The following IL26 variants were observed in gnomAD, a reference collection of about 807,000 sequenced individuals.
IL26 encodes the protein interleukin-26.
Under a neutral mutation model 21.7 loss-of-function variants are expected in IL26, and 23 were observed. The observed-to-expected ratio is 1.06, with a 90% CI of 0.76 to 1.50. The LOEUF (loss-of-function observed/expected upper bound fraction) is 1.50, where lower values mean the gene tolerates loss of function less well. Among genes scored for constraint, IL26 ranks in the 40% most tolerant of loss-of-function variants. The pLI is 0.00. For synonymous variants in IL26, 63 were observed against 67.8 expected, an observed-to-expected ratio of 0.93 and a Z score of 0.34; for missense variants, 204 against 196.0, an observed-to-expected ratio of 1.04 and a Z score of -0.24.
chr12:68,210,557 T>C (rs887295230), intron 3 of IL26, among the ~76,000 whole-genome samples: 2 of 152,082 alleles, frequency 1.3e-5, no homozygotes, highest in African/African-American at 4.8e-5. Context: ...AGTGTCTCTC[T>C]GCGAAACCAA....
intron 3 of IL26, among the ~76,000 whole-genome samples, chr12:68,210,338 C>CAAAAGAAAAAAAAAAA (rs1868676076): frequency 4.5e-5 from 1 of 22,068 alleles, no homozygotes; most frequent in Non-Finnish European, 1.0e-4. Flanking sequence ...ATCAGTTTGG[C>CAAAAGAAAAAAAAAAA]AAAAAAAAAA....
intron 3 of IL26, among the ~76,000 whole-genome samples, chr12:68,205,519 T>A (rs776204046): frequency 2.8e-4 from 42 of 152,144 alleles, no homozygotes; most frequent in Non-Finnish European, 5.6e-4. Flanking sequence ...AATCATTAAG[T>A]GGAAGTGGAT....
chr12:68,220,143 A>G (rs1869005806), intron 3 of IL26, among the ~76,000 whole-genome samples: 1 of 152,214 alleles, frequency 6.6e-6, no homozygotes, highest in Admixed American at 6.5e-5. Flanking sequence ...CAAACATTTA[A>G]GAAAAAATAA....
In IL26 at chr12:68,223,884, G is replaced by GTTTTT. The variant is rs376115904; in HGVS notation, c.363+1260_363+1264dup. ...AGAAATAGAGAACTTAAATTTGGTG[G>GTTTTT]TTTTTTTTTTTTTTTTTTGCTTGTT... On this transcript the variant is annotated intron_variant, in intron 3 of 4. Coordinates refer to ENST00000229134, the MANE Select transcript of IL26 (RefSeq NM_018402.2). Among the ~76,000 whole-genome samples, 41 of 132,248 alleles carry GTTTTT rather than the reference G, an allele frequency of 3.1e-4. 1 individual carries two copies. The highest frequency in any genetic ancestry group is 1.2e-3 in the South Asian group (5 of 4,046). 86.8% of individuals were successfully genotyped at this position (132,248 alleles called of 152,430 possible).
rs6144754 is a variant in IL26, at chr12:68,204,141, A to ATTT, written c.364-2061_364-2059dup. Among the ~76,000 whole-genome samples, 914 of 113,182 alleles carry ATTT rather than the reference A, an allele frequency of 8.1e-3. 37 individuals carry two copies. The highest frequency in any genetic ancestry group is 0.027 in the African/African-American group (775 of 28,832). The allele number at this position is 113,182 out of a possible 152,430, so 74.3% of individuals were successfully genotyped here. On this transcript the variant is annotated intron_variant, in intron 3 of 4. Coordinates refer to ENST00000229134, the MANE Select transcript of IL26 (RefSeq NM_018402.2). ...TAAAATCATGTGTTAGGATTCAAAG[A>ATTT]TTTTTTTTTTTTTTTTTTTTGAGGC...
In IL26 at chr12:68,202,042, G is replaced by C; in HGVS notation, c.405C>G (p.Thr135=). 1 of 1,584,758 alleles carries C rather than the reference G, an allele frequency of 6.3e-7. No individual in the cohort carries two copies. Among genetic ancestry groups the C allele is most frequent in the Non-Finnish European group, 8.6e-7 (1 of 1,161,136 alleles). Residue 135 remains threonine (T), a synonymous_variant, in exon 4 of 5, where the codon ACC becomes ACG. Coordinates refer to ENST00000229134, the MANE Select transcript of IL26 (RefSeq NM_018402.2). ...ASSAREMKSI[T]RMKRIFYRIG... Reference sequence around the variant, plus strand: ...CCCTATAAAATATTCTTTTCATCCTGGTAATGGATTTCATCTCTCTAGCTG... The same window carrying C: ...CCCTATAAAATATTCTTTTCATCCTCGTAATGGATTTCATCTCTCTAGCTG...
chr12:68,208,970 A>G (rs1868626327), intron 3 of IL26, among the ~76,000 whole-genome samples: 1 of 152,246 alleles, frequency 6.6e-6, no homozygotes, highest in Admixed American at 6.5e-5. Context: ...CCACAAGCCT[A>G]CTTGTTTCTT....
chr12:68,210,783 GT>G (rs940175087), intron 3 of IL26, among the ~76,000 whole-genome samples: 1 of 151,958 alleles, frequency 6.6e-6, no homozygotes, highest in South Asian at 2.1e-4. Context: ...ATTAGAAAGA[GT>G]TTTTTTAATA....
At chr12:68,225,336 A>G (rs1404430974) in intron 2 of IL26, 53 bp from the exon 3 acceptor site, 4 of 1,565,240 alleles carry the variant, frequency 2.6e-6, no homozygotes, top group Non-Finnish European at 3.5e-6. Flanking sequence ...TCGTTTTTTA[A>G]TGTCCCCCGA....
chr12:68,210,872 CA>C (rs1868709067), intron 3 of IL26, among the ~76,000 whole-genome samples: 1 of 152,112 alleles, frequency 6.6e-6, no homozygotes, highest in Non-Finnish European at 1.5e-5. Flanking sequence ...TGTCATTCAT[CA>C]GAATTAGTTC....
chr12:68,201,875 C>T lies in IL26; in HGVS notation c.486G>A (p.Trp162Ter). 3 of 1,596,730 alleles carry T rather than the reference C, an allele frequency of 1.9e-6. No homozygotes were observed. Among genetic ancestry groups the T allele is most frequent in the Non-Finnish European group, 2.6e-6 (3 of 1,175,232 alleles). ...AISELDILLS[W>*]IKKLLESSQ ...GACTGCTTTCCAATAATTTTTTAAT[C>T]CAGGAAAGAAGAATATCCAGTTCAC... The change falls in exon 5 of 5, where the codon TGG (tryptophan) becomes TGA (stop). Residue 162 changes from tryptophan (W) to a stop codon, truncating the protein, a stop_gained. Coordinates refer to ENST00000229134, the MANE Select transcript of IL26 (RefSeq NM_018402.2). LOFTEE classifies it high-confidence loss of function.
intron 3 of IL26, among the ~76,000 whole-genome samples, chr12:68,220,856 C>T (rs1869025847): frequency 6.6e-6 from 1 of 152,190 alleles, no homozygotes; most frequent in East Asian, 1.9e-4. Context: ...AGGTTGGTCT[C>T]GAACTCCTGA....
At chr12:68,206,391 C>T (rs11571048) in intron 3 of IL26, among the ~76,000 whole-genome samples, 2,738 of 152,064 alleles carry the variant, frequency 0.018, 77 homozygotes, top group African/African-American at 0.062. Context: ...ACTTCAGTGC[C>T]TTCTGTGTTT....
chr12:68,224,467 A>G (rs1043042655), intron 3 of IL26, among the ~76,000 whole-genome samples: 1 of 152,052 alleles, frequency 6.6e-6, no homozygotes, highest in South Asian at 2.1e-4. Flanking sequence ...CAAAGAAGGC[A>G]TGTCTATCCC....
chr12:68,204,396 G>T (rs2120420462), intron 3 of IL26, among the ~76,000 whole-genome samples: 1 of 152,216 alleles, frequency 6.6e-6, no homozygotes, highest in South Asian at 2.1e-4. Context: ...GCCCGCCTCG[G>T]CCTCCCAAAG....
At chr12:68,204,376 C>T (rs1363798644) in intron 3 of IL26, among the ~76,000 whole-genome samples, 2 of 152,094 alleles carry the variant, frequency 1.3e-5, no homozygotes, top group South Asian at 2.1e-4. Context: ...ATCCACTGAC[C>T]TCATGATCTG....
rs1446053206 is a variant in IL26 at position 68,201,690 on chromosome 12, A to AT, written c.*154dup. On this transcript the variant is annotated 3_prime_UTR_variant, in exon 5 of 5. Transcript: ENST00000229134. ...GTGACAACTTATATCCAAAACGTTA[A>AT]TTTACTAAATCCTTCTTGTCTATTC... 3 of 486,854 alleles carry AT rather than the reference A, an allele frequency of 6.2e-6. No individual in the cohort carries two copies. The highest frequency in any genetic ancestry group is 1.1e-5 in the Non-Finnish European group (3 of 277,416). The allele number at this position is 486,854 out of a possible 1,614,324, so 30.2% of individuals were successfully genotyped here.
At chr12:68,225,090 T>C (rs1366740225) in intron 3 of IL26, 59 bp downstream of exon 3, 1 of 1,519,800 alleles carries the variant, frequency 6.6e-7, no homozygotes, top group African/African-American at 1.4e-5. Context: ...GATTCTTACA[T>C]GCTGACTTCT....
At chr12:68,213,809 A>G (rs886908177) in intron 3 of IL26, among the ~76,000 whole-genome samples, 2 of 151,940 alleles carry the variant, frequency 1.3e-5, no homozygotes, top group Non-Finnish European at 2.9e-5. Context: ...CAAAAAAACC[A>G]ATTTTTTATT....
Sources: gnomAD v4.1 joint callset for allele counts (sites outside exome capture counted in the v4.1 genomes callset) on GRCh38, gnomAD v4.1.1 for gene constraint, MANE v1.5 for transcripts, NCBI Gene and HGNC (gene_info 2026-07-23, HGNC 2026-07-21) for gene names.